The following KCTD1 variants were observed in gnomAD, a reference collection of about 807,000 sequenced individuals.
The protein encoded by KCTD1 is BTB/POZ domain-containing protein KCTD1.
A neutral mutation model predicts 66.0 loss-of-function variants in KCTD1; 24 were observed. The ratio of observed to expected loss-of-function variants is 0.36; its 90% CI spans 0.26 to 0.51. The LOEUF is 0.51. Ranked by LOEUF, KCTD1 falls within the 20% of genes least tolerant of loss-of-function variation. The pLI is 0.95. For missense variants in KCTD1, 943 were observed against 1,205.2 expected, an observed-to-expected ratio of 0.78 and a Z score of 3.22; for synonymous variants, 511 against 517.2, an observed-to-expected ratio of 0.99 and a Z score of 0.16.
intron 1 of KCTD1, among the ~76,000 whole-genome samples, chr18:26,561,174 A>C (rs1214215933): frequency 6.6e-6 from 1 of 152,252 alleles, no homozygotes; most frequent in Non-Finnish European, 1.5e-5. Context: ...TGCTGAAAAA[A>C]AAAAACTCTG....
intron 1 of KCTD1, among the ~76,000 whole-genome samples, chr18:26,515,275 G>T (rs1380259285): frequency 6.6e-6 from 1 of 152,196 alleles, no homozygotes; most frequent in Non-Finnish European, 1.5e-5. Flanking sequence ...CATGACCCTT[G>T]TAAGGTCCAG....
chr18:26,542,127 C>T (rs984310280), intron 1 of KCTD1, among the ~76,000 whole-genome samples: 8 of 152,280 alleles, frequency 5.3e-5, no homozygotes, highest in African/African-American at 1.7e-4. Flanking sequence ...GAAAGATGCT[C>T]AGTTAACAGT....
chr18:26,598,392 T>TA (rs1986815639), intron 1 of KCTD1, among the ~76,000 whole-genome samples: 1 of 152,130 alleles, frequency 6.6e-6, no homozygotes. Flanking sequence ...TTTTCACTGT[T>TA]AGACTATTAT....
intron 1 of KCTD1, among the ~76,000 whole-genome samples, chr18:26,593,750 AGGG>A (rs1986697072): frequency 1.6e-4 from 18 of 110,182 alleles, no homozygotes; most frequent in South Asian, 6.7e-4. Flanking sequence ...GAGGAAGACA[AGGG>A]GCAGGAGGAG....
intron 1 of KCTD1, among the ~76,000 whole-genome samples, chr18:26,611,831 T>TAAA (rs1174029936): frequency 7.9e-5 from 12 of 152,216 alleles, no homozygotes; most frequent in African/African-American, 2.9e-4. Context: ...ACTTACATGT[T>TAAA]GCTATAAATA....
chr18:26,485,264 A>G (rs1981855964), intron 2 of KCTD1, among the ~76,000 whole-genome samples: 2 of 152,226 alleles, frequency 1.3e-5, no homozygotes, highest in Admixed American at 6.5e-5. Flanking sequence ...TCCCCATTTT[A>G]GAGGCAAGGA....
At chr18:26,546,303 C>T (rs1985215650) in intron 1 of KCTD1, among the ~76,000 whole-genome samples, 1 of 150,674 alleles carries the variant, frequency 6.6e-6, no homozygotes, top group African/African-American at 2.4e-5. Context: ...TTTCTACCTT[C>T]TAAGGTCATG....
At position 26,599,581 on chromosome 18, in the gene KCTD1, C is replaced by T. The variant is rs1986842742; in HGVS notation, c.-16+29566G>A. ...TGCAGTCTGCCCACAAAGAATCCAGCTTTGACATTATTTTGTCGGGTTTAG... is the reference window on the plus strand; with the variant it reads ...TGCAGTCTGCCCACAAAGAATCCAGTTTTGACATTATTTTGTCGGGTTTAG... On this transcript the variant is annotated intron_variant, in intron 1 of 4. Transcript: ENST00000317932. The T allele has an allele frequency of 3.3e-6, 5 of 1,507,018 alleles. No individual in the cohort carries two copies. In the East Asian group the frequency reaches 1.1e-4, roughly 34 times the overall value. 93.4% of individuals were successfully genotyped at this position (1,507,018 alleles called of 1,614,324 possible).
chr18:26,550,596 A>ACACACACACACC (rs1284947060), upstream of KCTD1, among the ~76,000 whole-genome samples: 8 of 151,332 alleles, frequency 5.3e-5, no homozygotes, highest in Admixed American at 1.3e-4. The surrounding 1 kb of genome is among the most constrained non-coding windows in gnomAD (Gnocchi z 5.4). Flanking sequence ...ACACACACAC[A>ACACACACACACC]CACACACACC....
intron 2 of KCTD1, among the ~76,000 whole-genome samples, 168 bp downstream of exon 2, chr18:26,500,904 G>A (rs1982725400): frequency 6.6e-6 from 1 of 152,186 alleles, no homozygotes; most frequent in African/African-American, 2.4e-5. Context: ...ATTCGAAGAT[G>A]TCCAGCCATT....
At chr18:26,474,090 C>G (rs1329719722) in intron 3 of KCTD1, among the ~76,000 whole-genome samples, 2 of 152,144 alleles carry the variant, frequency 1.3e-5, no homozygotes, top group African/African-American at 4.8e-5. Context: ...CATACCTGAT[C>G]TTTTACATAA....
intron 1 of KCTD1, among the ~76,000 whole-genome samples, chr18:26,507,053 C>T (rs1218865744): frequency 6.6e-6 from 1 of 152,138 alleles, no homozygotes; most frequent in Admixed American, 6.5e-5. Context: ...GTAATCCCAG[C>T]TACTCGGGAG....
At chr18:26,620,774 T>C (rs1987362613) in intron 1 of KCTD1, among the ~76,000 whole-genome samples, 1 of 150,262 alleles carries the variant, frequency 6.7e-6, no homozygotes, top group Admixed American at 6.6e-5. Flanking sequence ...AAATAAAAGG[T>C]AAGGGTGGTG....
At chr18:26,589,245 T>C (rs962406345) in intron 1 of KCTD1, among the ~76,000 whole-genome samples, 5 of 152,212 alleles carry the variant, frequency 3.3e-5, no homozygotes, top group Non-Finnish European at 7.3e-5. Context: ...TTTTCAGTCT[T>C]GGACCTTGGG....
Position 26,517,130 on chromosome 18 carries a change from A to T in KCTD1, c.1810-15880T>A, listed in dbSNP as rs373663347. 1.0e-3 allele frequency among the ~76,000 whole-genome samples: 156 copies of T among 152,312 alleles called. 3 individuals are homozygous for T. The highest frequency in any genetic ancestry group is 3.6e-3 in the African/African-American group (148 of 41,570). On this transcript the variant is annotated intron_variant, in intron 1 of 4. Coordinates refer to ENST00000580059, the MANE Select transcript of KCTD1 (RefSeq NM_001142730.3). ...CTCTGGGTTATCAGCCCACACTCTGAGAAGCGGGACATTAGGAGTGCTGGT... is the reference window on the plus strand; with the variant it reads ...CTCTGGGTTATCAGCCCACACTCTGTGAAGCGGGACATTAGGAGTGCTGGT...
intron 1 of KCTD1, among the ~76,000 whole-genome samples, chr18:26,555,566 C>G (rs993318340): frequency 2.6e-5 from 4 of 152,216 alleles, no homozygotes; most frequent in African/African-American, 4.8e-5. Context: ...AAATATCCTG[C>G]TTTACTTGTA....
chr18:26,519,552 C>T (rs1983815534), intron 1 of KCTD1, among the ~76,000 whole-genome samples: 1 of 152,190 alleles, frequency 6.6e-6, no homozygotes, highest in Admixed American at 6.5e-5. Context: ...CATTTAGAGG[C>T]AATGACCTGA....
intron 3 of KCTD1, among the ~76,000 whole-genome samples, chr18:26,469,521 A>G (rs1336634545): frequency 1.3e-5 from 2 of 152,248 alleles, no homozygotes; most frequent in Non-Finnish European, 2.9e-5. Flanking sequence ...AACATACTGC[A>G]ACTAAAAATG....
intron 1 of KCTD1, among the ~76,000 whole-genome samples, chr18:26,635,755 G>T (rs994695410): frequency 1.7e-4 from 26 of 152,192 alleles, no homozygotes; most frequent in Admixed American, 5.2e-4. Context: ...GAGGACTAAG[G>T]AGCCAGACTA....
Sources: gnomAD v4.1 joint callset for allele counts (sites outside exome capture counted in the v4.1 genomes callset) on GRCh38, gnomAD v4.1.1 for gene constraint, Gnocchi (gnomAD v3.1) non-coding constraint, MANE v1.5 for transcripts, NCBI Gene and HGNC (gene_info 2026-07-23, HGNC 2026-07-21) for gene names.